Variants in RBMS3 observed in about 807,000 individuals in gnomAD.
The protein encoded by RBMS3 is RNA binding motif single stranded interacting protein 3, also known as RNA-binding motif, single-stranded-interacting protein 3.
A neutral mutation model predicts 66.8 loss-of-function variants in RBMS3; 27 were observed. The ratio of observed to expected loss-of-function variants is 0.40; its 90% CI spans 0.30 to 0.56. RBMS3 has a LOEUF of 0.56. RBMS3 is among the 20% of genes least tolerant of loss of function. RBMS3 has a pLI of 0.40. For missense variants in RBMS3, 513 were observed against 549.5 expected, an observed-to-expected ratio of 0.93 and a Z score of 0.66; for synonymous variants, 188 against 183.0, an observed-to-expected ratio of 1.03 and a Z score of -0.22.
chr3:29,721,427 A>G (rs766103175), intron 4 of RBMS3, among the ~76,000 whole-genome samples: 3 of 152,158 alleles, frequency 2.0e-5, no homozygotes, highest in Admixed American at 1.3e-4. Context: ...ACTAGGGTAT[A>G]GCAACCTTGG....
At chr3:29,706,228 G>C (rs917825820) in intron 4 of RBMS3, among the ~76,000 whole-genome samples, 8 of 152,170 alleles carry the variant, frequency 5.3e-5, no homozygotes, top group African/African-American at 1.7e-4. Context: ...AGGCATTCTA[G>C]TCCTGACATT....
chr3:29,458,911 T>C (rs1295917383), intron 2 of RBMS3, among the ~76,000 whole-genome samples: 1 of 152,212 alleles, frequency 6.6e-6, no homozygotes, highest in Admixed American at 6.5e-5. Context: ...TTATATCTTC[T>C]TTTATTCAAT....
intron 6 of RBMS3, among the ~76,000 whole-genome samples, chr3:29,785,486 A>C (rs1032070066): frequency 2.2e-4 from 33 of 152,102 alleles, no homozygotes; most frequent in African/African-American, 7.2e-4. Context: ...AAGCAAGACT[A>C]AGCAAAAAGA....
chr3:29,702,838 A>C (rs1328156778), intron 4 of RBMS3, among the ~76,000 whole-genome samples: 9 of 152,196 alleles, frequency 5.9e-5, no homozygotes, highest in Admixed American at 5.9e-4. Context: ...AACTCTGGAC[A>C]CACCACCTTT....
At chr3:29,495,103 A>C (rs1218433297) in intron 3 of RBMS3, among the ~76,000 whole-genome samples, 1 of 147,548 alleles carries the variant, frequency 6.8e-6, no homozygotes, top group Non-Finnish European at 1.5e-5. Flanking sequence ...TCATTCATTC[A>C]TTCATTATTA....
At chr3:29,785,679 A>G (rs1485575661) in intron 6 of RBMS3, among the ~76,000 whole-genome samples, 1 of 152,198 alleles carries the variant, frequency 6.6e-6, no homozygotes, top group Non-Finnish European at 1.5e-5. Context: ...AAATTGTCAT[A>G]GAGGGACATA....
rs1354901944 is a variant in RBMS3 at position 29,494,253 on chromosome 3, C to T, written c.307+5754C>T. ...CCTATTTTAGCATTTAAAAGAAAAG[C>T]TTTTATGCTCTCCTGAATCCCACCC... On this transcript the variant is annotated intron_variant, in intron 3 of 14. Transcript: ENST00000383767. Among the ~76,000 whole-genome samples the T allele has an allele frequency of 5.9e-5, 9 of 152,140 alleles. No homozygotes were observed. The East Asian group carries it at 1.7e-3, about 29-fold the overall frequency.
chr3:29,284,682 TA>T (rs2032126729), intron 1 of RBMS3, among the ~76,000 whole-genome samples: 1 of 151,992 alleles, frequency 6.6e-6, no homozygotes, highest in African/African-American at 2.4e-5. Flanking sequence ...CTCCTTCAAA[TA>T]ATTTTTCAAA....
chr3:29,897,232 T>G, intron 8 of RBMS3, 147 bp from the exon 9 acceptor site: 1 of 652,432 alleles, frequency 1.5e-6, no homozygotes, highest in Non-Finnish European at 2.7e-6. Context: ...AATCAAATAA[T>G]GTAAATCTCC....
intron 5 of RBMS3, among the ~76,000 whole-genome samples, chr3:29,746,124 T>TA (rs1315301379): frequency 2.0e-5 from 3 of 152,326 alleles, no homozygotes; most frequent in Admixed American, 6.5e-5. Context: ...ACAGGAATTT[T>TA]AAAAAATATG....
intron 1 of RBMS3, among the ~76,000 whole-genome samples, chr3:29,353,307 G>T (rs1263378934): frequency 6.6e-6 from 1 of 151,790 alleles, no homozygotes; most frequent in Non-Finnish European, 1.5e-5. Context: ...AAATGTGATG[G>T]TGGCATTTGA....
chr3:29,935,347 A>G (rs528178256), intron 10 of RBMS3, among the ~76,000 whole-genome samples: 3 of 152,208 alleles, frequency 2.0e-5, no homozygotes, highest in African/African-American at 7.2e-5. Context: ...ATCAAAAGAC[A>G]TATTCTAGAC....
At chr3:29,911,995 A>G (rs2060527975) in intron 10 of RBMS3, among the ~76,000 whole-genome samples, 1 of 152,048 alleles carries the variant, frequency 6.6e-6, no homozygotes, top group Non-Finnish European at 1.5e-5. Flanking sequence ...AGATAGATAG[A>G]TAGATAGATA....
intron 3 of RBMS3, among the ~76,000 whole-genome samples, chr3:29,584,870 C>T (rs893643862): frequency 3.3e-5 from 5 of 152,094 alleles, no homozygotes; most frequent in Admixed American, 2.0e-4. Flanking sequence ...AGCTTCCCAG[C>T]TCCCCCGCAA....
At chr3:29,566,525 C>T (rs1362214813) in intron 3 of RBMS3, among the ~76,000 whole-genome samples, 1 of 151,450 alleles carries the variant, frequency 6.6e-6, no homozygotes, top group Admixed American at 6.6e-5. Flanking sequence ...TACATGTCCC[C>T]GTTAATTGCT....
At chr3:29,900,992 A>G (rs895106495) in intron 10 of RBMS3, among the ~76,000 whole-genome samples, 5 of 151,802 alleles carry the variant, frequency 3.3e-5, no homozygotes, top group South Asian at 2.1e-4. Flanking sequence ...GGAACTTTTC[A>G]TGTTGCTCCA....
intron 4 of RBMS3, among the ~76,000 whole-genome samples, chr3:29,608,105 T>C (rs78458424): frequency 0.027 from 4,083 of 151,762 alleles, 102 homozygotes; most frequent in Admixed American, 0.084. Flanking sequence ...AAGAATACAT[T>C]ATATTATTTT....
chr3:29,769,774 CT>C (rs1468659838), intron 6 of RBMS3, among the ~76,000 whole-genome samples: 1 of 151,792 alleles, frequency 6.6e-6, no homozygotes, highest in Non-Finnish European at 1.5e-5. Flanking sequence ...CATATATTTG[CT>C]TTTAATGAAC....
At chr3:29,573,894 C>T (rs965085894) in intron 3 of RBMS3, among the ~76,000 whole-genome samples, 1 of 152,068 alleles carries the variant, frequency 6.6e-6, no homozygotes, top group Admixed American at 6.5e-5. Context: ...TTGTTGATTT[C>T]TAGTTTTATT....
Sources: allele counts gnomAD v4.1 joint callset (sites outside exome capture counted in the v4.1 genomes callset), GRCh38; gene constraint gnomAD v4.1.1; transcripts MANE v1.5; gene names NCBI Gene and HGNC (gene_info 2026-07-23, HGNC 2026-07-21).